Variants in KDM4C observed in about 807,000 individuals in gnomAD.
The protein encoded by KDM4C is lysine-specific demethylase 4C.
KDM4C carries 81 observed loss-of-function variants against 129.3 expected under a neutral mutation model. That is an observed-to-expected ratio of 0.63 (90% CI 0.52 to 0.75). The LOEUF (loss-of-function observed/expected upper bound fraction) is 0.75, where lower values mean the gene tolerates loss of function less well. KDM4C is among the 30% of genes least tolerant of loss of function. The pLI, the probability that KDM4C is intolerant of heterozygous loss-of-function variation, is 0.00. For missense variants in KDM4C, 1,457 were observed against 1,304.0 expected, an observed-to-expected ratio of 1.12 and a Z score of -1.81; for synonymous variants, 573 against 456.1, an observed-to-expected ratio of 1.26 and a Z score of -3.26.
intron 2 of KDM4C, among the ~76,000 whole-genome samples, chr9:6,803,756 A>G (rs200900934): frequency 6.7e-6 from 1 of 149,488 alleles, no homozygotes; most frequent in Non-Finnish European, 1.5e-5. Flanking sequence ...AAAAAGAAAA[A>G]AAAAAAAAAA....
intron 17 of KDM4C, among the ~76,000 whole-genome samples, chr9:7,070,036 C>A (rs746125119): frequency 3.9e-5 from 6 of 152,016 alleles, no homozygotes; most frequent in Non-Finnish European, 7.4e-5. Flanking sequence ...TTAGCTAAAT[C>A]AAAAGCAGGC....
At chr9:6,776,994 G>C (rs889761380) in intron 1 of KDM4C, among the ~76,000 whole-genome samples, 15 of 152,078 alleles carry the variant, frequency 9.9e-5, no homozygotes, top group African/African-American at 3.6e-4. Flanking sequence ...TTTGTATATT[G>C]AGTTTGACCC....
chr9:7,147,472 TG>T (rs1187653776), intron 19 of KDM4C, among the ~76,000 whole-genome samples: 1 of 152,248 alleles, frequency 6.6e-6, no homozygotes, highest in Non-Finnish European at 1.5e-5. Flanking sequence ...ACCCCAAGCC[TG>T]TCTTTCTCCA....
intron 2 of KDM4C, among the ~76,000 whole-genome samples, chr9:6,797,299 A>G (rs1827930288): frequency 6.6e-6 from 1 of 152,078 alleles, no homozygotes; most frequent in African/African-American, 2.4e-5. Context: ...TTAATCCACT[A>G]TTGACAAGAT....
chr9:6,877,448 C>A (rs1035579554), intron 5 of KDM4C, among the ~76,000 whole-genome samples: 2 of 151,976 alleles, frequency 1.3e-5, no homozygotes, highest in African/African-American at 4.8e-5. Flanking sequence ...GATCTGCCCG[C>A]CTCGACCTCC....
rs747554000 is a variant in KDM4C, at chr9:6,990,511, G to C, written c.1773G>C (p.Ala591=). 1.9e-6 allele frequency: 3 copies of C among 1,607,906 alleles called. No homozygotes were observed. The highest frequency in any genetic ancestry group is 2.2e-5 in the South Asian group (2 of 90,042). Residue 591 remains alanine, a synonymous_variant, in exon 12 of 22, where the codon GCG becomes GCC. Transcript: ENST00000381309. ...RSPMTLVKQQ[A]PSDEELPEVL... ...CGATGACTCTTGTGAAGCAGCAGGCGCCAAGTGATGAAGGTGAGATGGTGA... is the reference window on the plus strand; with the variant it reads ...CGATGACTCTTGTGAAGCAGCAGGCCCCAAGTGATGAAGGTGAGATGGTGA...
chr9:6,811,774 G>C (rs1002047065), intron 3 of KDM4C, among the ~76,000 whole-genome samples: 2 of 152,114 alleles, frequency 1.3e-5, no homozygotes, highest in African/African-American at 4.8e-5. Context: ...TGTGGCTTAT[G>C]AATGGAAGCC....
intron 17 of KDM4C, among the ~76,000 whole-genome samples, chr9:7,067,821 A>T (rs1832644961): frequency 6.6e-6 from 1 of 152,056 alleles, no homozygotes; most frequent in Admixed American, 6.6e-5. Context: ...TTTGAGATGA[A>T]GTCTTGCCCT....
At position 7,103,878 on chromosome 9, in the gene KDM4C, G is replaced by A; in HGVS notation, c.2610+8G>A. On this transcript the variant is annotated splice_region_variant and intron_variant, in intron 18 of 21. Transcript: ENST00000381309. ...AAGGTCAACCCCAACGTGGTAAGAT[G>A]TGCCCTCCCTTCCTCAGTGCTAAGA... The A allele has an allele frequency of 6.2e-7, 1 of 1,613,014 alleles. No individual in the cohort carries two copies. The highest frequency in any genetic ancestry group is 8.5e-7 in the Non-Finnish European group (1 of 1,179,170).
chr9:6,919,174 T>G (rs1820876030), intron 8 of KDM4C, among the ~76,000 whole-genome samples: 1 of 152,068 alleles, frequency 6.6e-6, no homozygotes, highest in African/African-American at 2.4e-5. Flanking sequence ...TTGGGGTTGT[T>G]TTTTGCTTGT....
chr9:6,959,957 A>G (rs1036984424), intron 8 of KDM4C, among the ~76,000 whole-genome samples: 8 of 151,986 alleles, frequency 5.3e-5, no homozygotes, highest in Non-Finnish European at 8.8e-5. Flanking sequence ...CTGCTGCCAT[A>G]CTAACAACTG....
intron 15 of KDM4C, among the ~76,000 whole-genome samples, chr9:7,040,815 CTTTTTATTTGGTTTCCAGAA>C (rs973216207): frequency 1.3e-5 from 2 of 150,136 alleles, no homozygotes; most frequent in African/African-American, 4.9e-5. Context: ...AAGATATGTT[CTTTTTATTTGGTTTCCAGAA>C]TTTTGATTGC....
intron 18 of KDM4C, among the ~76,000 whole-genome samples, chr9:7,117,513 A>G (rs1439086393): frequency 1.3e-5 from 2 of 151,734 alleles, no homozygotes; most frequent in Admixed American, 1.3e-4. Flanking sequence ...TTCTCATTTT[A>G]TTCTCTCCAA....
chr9:7,147,667 T>C (rs929321915), intron 19 of KDM4C, among the ~76,000 whole-genome samples: 2 of 152,166 alleles, frequency 1.3e-5, no homozygotes, highest in African/African-American at 4.8e-5. Context: ...CAGTGAGCCC[T>C]GGGGCAGTCA....
chr9:7,007,030 G>A (rs1302309933), intron 12 of KDM4C, among the ~76,000 whole-genome samples: 1 of 152,172 alleles, frequency 6.6e-6, no homozygotes, highest in East Asian at 1.9e-4. Context: ...TTTTCAACAG[G>A]TTTCTTCAGT....
intron 8 of KDM4C, among the ~76,000 whole-genome samples, chr9:6,944,597 T>C (rs556466436): frequency 6.6e-6 from 1 of 151,246 alleles, no homozygotes; most frequent in East Asian, 2.0e-4. Context: ...TTGAATATTC[T>C]TTCTGTAAAT....
chr9:7,113,782 T>A (rs1312580966), intron 18 of KDM4C, among the ~76,000 whole-genome samples: 1 of 152,228 alleles, frequency 6.6e-6, no homozygotes, highest in Admixed American at 6.5e-5. Context: ...GTCTGGGAAA[T>A]GAGCTTCAGA....
intron 5 of KDM4C, among the ~76,000 whole-genome samples, chr9:6,873,865 G>C (rs746336896): frequency 6.6e-6 from 1 of 152,016 alleles, no homozygotes. Flanking sequence ...TTTAAAATGA[G>C]AGGCATGGAG....
chr9:7,089,815 CT>C (rs1835582251), intron 17 of KDM4C, among the ~76,000 whole-genome samples: 1 of 152,252 alleles, frequency 6.6e-6, no homozygotes, highest in Non-Finnish European at 1.5e-5. Flanking sequence ...CCATATTTTG[CT>C]GGCTCGGCCT....
Sources: gnomAD v4.1 joint callset for allele counts (sites outside exome capture counted in the v4.1 genomes callset) on GRCh38, gnomAD v4.1.1 for gene constraint, MANE v1.5 for transcripts, NCBI Gene and HGNC (gene_info 2026-07-23, HGNC 2026-07-21) for gene names.